The following PTGS1 variants were observed in gnomAD, a reference collection of about 807,000 sequenced individuals.
The protein encoded by PTGS1 is prostaglandin G/H synthase 1.
A neutral mutation model predicts 63.0 loss-of-function variants in PTGS1; 40 were observed. The ratio of observed to expected loss-of-function variants is 0.63; its 90% CI spans 0.49 to 0.83. The LOEUF is 0.83. Ranked by LOEUF, PTGS1 falls within the 40% of genes least tolerant of loss-of-function variation. The pLI is 0.00. For missense variants in PTGS1, 709 were observed against 786.5 expected, an observed-to-expected ratio of 0.90 and a Z score of 1.18; for synonymous variants, 298 against 301.9, an observed-to-expected ratio of 0.99 and a Z score of 0.13.
intron 2 of PTGS1, among the ~76,000 whole-genome samples, chr9:122,374,634 G>A (rs1024509231): frequency 4.6e-5 from 7 of 152,208 alleles, no homozygotes; most frequent in Non-Finnish European, 8.8e-5. Context: ...AAGTTAGACC[G>A]AAGGAAGGCC....
intron 5 of PTGS1, among the ~76,000 whole-genome samples, chr9:122,380,236 G>A (rs998249878): frequency 6.6e-6 from 1 of 152,000 alleles, no homozygotes; most frequent in Non-Finnish European, 1.5e-5. Flanking sequence ...GGTTGGGGTG[G>A]GTGGATTGCT....
chr9:122,376,413 C>T (rs575981195), intron 2 of PTGS1, among the ~76,000 whole-genome samples: 2 of 148,258 alleles, frequency 1.3e-5, no homozygotes, highest in South Asian at 2.1e-4. Context: ...TTGCCGTCTT[C>T]GAAGTGGGGA....
chr9:122,391,310 ATATACACACACATATATATGTGTGTG>A (rs1378621511), intron 10 of PTGS1, among the ~76,000 whole-genome samples: 2 of 119,242 alleles, frequency 1.7e-5, no homozygotes, highest in African/African-American at 1.1e-4. Context: ...ACATATATAC[ATATACACACACATATATATGTGTGTG>A]TATATATATA....
At chr9:122,386,915 G>A (rs898815097) in intron 9 of PTGS1, among the ~76,000 whole-genome samples, 183 bp downstream of exon 9, 1 of 152,094 alleles carries the variant, frequency 6.6e-6, no homozygotes, top group African/African-American at 2.4e-5. Context: ...CATTACTCCA[G>A]GTACTGGAGA....
chr9:122,395,585 A>G lies in PTGS1; in HGVS notation c.*3041A>G, dbSNP rs968389219. The G allele has an allele frequency of 1.3e-5, 2 of 152,154 alleles. No homozygotes were observed. The highest frequency in any genetic ancestry group is 2.9e-5 in the Non-Finnish European group (2 of 68,024). 9.4% of individuals were successfully genotyped at this position (152,154 alleles called of 1,614,324 possible). ...GGAAAAGAAGAAACTTTGCCTCAAGACTATAGCCATCGACTCCTGCCTGAG... is the reference window on the plus strand; with the variant it reads ...GGAAAAGAAGAAACTTTGCCTCAAGGCTATAGCCATCGACTCCTGCCTGAG... On this transcript the variant is annotated 3_prime_UTR_variant, in exon 11 of 11. Coordinates refer to ENST00000362012, the MANE Select transcript of PTGS1 (RefSeq NM_000962.4).
At chr9:122,387,453 T>G (rs895015985) in intron 9 of PTGS1, among the ~76,000 whole-genome samples, 6 of 152,192 alleles carry the variant, frequency 3.9e-5, no homozygotes, top group African/African-American at 1.4e-4. Flanking sequence ...CGCCAGAACC[T>G]TAGTATGTGA....
In PTGS1 at chr9:122,381,715, C is replaced by T. The variant is rs201936137; in HGVS notation, c.730C>T (p.Arg244Trp). Residue 244 changes from arginine to tryptophan, a missense_variant, in exon 7 of 11, where the codon CGG (arginine) becomes TGG (tryptophan). Arg to Trp is a moderately radical substitution (Grantham distance 101). Transcript: ENST00000362012. ...GDNLERQYQL[R>W]LFKDGKLKYQ... ...CAATCTGGAGCGTCAGTATCAACTG[C>T]GGCTCTTTAAGGATGGGAAACTCAA... 280 of 1,613,964 alleles carry T rather than the reference C, an allele frequency of 1.7e-4. 1 individual carries two copies. The highest frequency in any genetic ancestry group is 2.0e-4 in the Non-Finnish European group (232 of 1,180,004).
In PTGS1 at chr9:122,371,199, C is replaced by T. The variant is rs201575416; in HGVS notation, c.21C>T (p.Leu7=). MSRSLL[L]WFLLFLLLLP... ...TCTCCTCTGCAGGGAGTCTCTTGCT[C>T]TGGTTCTTGCTGTTCCTGCTCCTGC... The change falls in exon 2 of 11, where the codon CTC becomes CTT. Residue 7 remains leucine, a synonymous_variant. Transcript: ENST00000362012. 7.5e-5 allele frequency: 121 copies of T among 1,609,210 alleles called. No individual in the cohort carries two copies. The highest frequency in any genetic ancestry group is 4.9e-4 in the Middle Eastern group (3 of 6,080).
In PTGS1 at chr9:122,394,131, A is replaced by G. The variant is rs1488336962; in HGVS notation, c.*1587A>G. 3 of 152,364 alleles carry G rather than the reference A, an allele frequency of 2.0e-5. No homozygotes were observed. Among genetic ancestry groups the G allele is most frequent in the Admixed American group, 2.0e-4 (3 of 15,284 alleles). 9.4% of individuals were successfully genotyped at this position (152,364 alleles called of 1,614,324 possible). On this transcript the variant is annotated 3_prime_UTR_variant, in exon 11 of 11. Transcript: ENST00000362012. ...CCTCCCCTATTGCGCTCTCAAGACCAGAGACCCAACAGCAGTGATCTCAGG... is the reference window on the plus strand; with the variant it reads ...CCTCCCCTATTGCGCTCTCAAGACCGGAGACCCAACAGCAGTGATCTCAGG...
chr9:122,389,776 G>A (rs1317447011), intron 9 of PTGS1, among the ~76,000 whole-genome samples: 1 of 151,962 alleles, frequency 6.6e-6, no homozygotes, highest in African/African-American at 2.4e-5. Flanking sequence ...GCAATATAGT[G>A]AGACCTCACC....
chr9:122,388,455 C>T (rs1324582873), intron 9 of PTGS1, among the ~76,000 whole-genome samples: 1 of 152,160 alleles, frequency 6.6e-6, no homozygotes, highest in African/African-American at 2.4e-5. Context: ...ATAGTTTATC[C>T]CATTTAAATT....
In PTGS1 at chr9:122,394,484, G is replaced by A. The variant is rs1323433856; in HGVS notation, c.*1940G>A. 6.6e-6 allele frequency: 1 copy of A among 152,240 alleles called. No homozygotes were observed. Among genetic ancestry groups the A allele is most frequent in the Non-Finnish European group, 1.5e-5 (1 of 68,066 alleles). 9.4% of individuals were successfully genotyped at this position (152,240 alleles called of 1,614,324 possible). A position where few individuals can be genotyped will look rare whatever the true frequency, so the allele number is the denominator to read the frequency against. On this transcript the variant is annotated 3_prime_UTR_variant, in exon 11 of 11. Transcript: ENST00000362012. ...CCTTCCCTGCTCTTGCAGTTGCTCTGACGTAGAAAGATCCTTCGGGTGCTG... is the reference window on the plus strand; with the variant it reads ...CCTTCCCTGCTCTTGCAGTTGCTCTAACGTAGAAAGATCCTTCGGGTGCTG...
chr9:122,377,620 TG>T (rs1366836842), intron 2 of PTGS1, among the ~76,000 whole-genome samples: 1 of 152,026 alleles, frequency 6.6e-6, no homozygotes, highest in African/African-American at 2.4e-5. Flanking sequence ...CGCCGTTTGG[TG>T]GCAATAGGGA....
intron 2 of PTGS1, chr9:122,371,743 G>A: frequency 6.5e-7 from 1 of 1,528,716 alleles, no homozygotes; most frequent in Non-Finnish European, 8.8e-7. Context: ...GACTTCGGGA[G>A]AACATGGGAG....
chr9:122,376,680 G>C (rs763545140), intron 2 of PTGS1, among the ~76,000 whole-genome samples: 1 of 152,186 alleles, frequency 6.6e-6, no homozygotes, highest in African/African-American at 2.4e-5. Flanking sequence ...TATGTTTGCA[G>C]AAAGGAGCCC....
chr9:122,385,953 C>T (rs1431755095), intron 8 of PTGS1, among the ~76,000 whole-genome samples: 1 of 152,104 alleles, frequency 6.6e-6, no homozygotes. Context: ...TCTATTTTCA[C>T]ATCCTGTTAC....
intron 6 of PTGS1, 29 bp from the exon 7 acceptor site, chr9:122,381,635 G>A (rs200084843): frequency 1.2e-6 from 2 of 1,613,388 alleles, no homozygotes; most frequent in African/African-American, 1.3e-5. Flanking sequence ...GCACCCTGGT[G>A]ACCTGAGGGA....
Position 122,392,741 on chromosome 9 carries a change from TTG to T in PTGS1, c.*199_*200del. The T allele has an allele frequency of 1.4e-5, 8 of 553,838 alleles. No individual in the cohort carries two copies. Among genetic ancestry groups the T allele is most frequent in the Non-Finnish European group, 2.5e-5 (8 of 316,860 alleles). The allele number at this position is 553,838 out of a possible 1,614,324, so 34.3% of individuals were successfully genotyped here. On this transcript the variant is annotated 3_prime_UTR_variant, in exon 11 of 11. Transcript: ENST00000362012. Reference sequence around the variant, plus strand: ...TTATTCTTCCAGAATGCTGAACTCCTTGTTAGCCCTTCAGATTGTTAGGAGTG... The same window carrying T: ...TTATTCTTCCAGAATGCTGAACTCCTTTAGCCCTTCAGATTGTTAGGAGTG...
intron 9 of PTGS1, among the ~76,000 whole-genome samples, chr9:122,387,623 C>G (rs1464457310): frequency 2.6e-5 from 4 of 152,152 alleles, no homozygotes; most frequent in Non-Finnish European, 4.4e-5. Flanking sequence ...ATCTACAAGC[C>G]AAGGAAAGAG....
Sources: gnomAD v4.1 joint callset for allele counts (sites outside exome capture counted in the v4.1 genomes callset) on GRCh38, gnomAD v4.1.1 for gene constraint, MANE v1.5 for transcripts, NCBI Gene and HGNC (gene_info 2026-07-23, HGNC 2026-07-21) for gene names.